Variants in DSCAM observed in about 807,000 individuals in gnomAD.
The protein encoded by DSCAM is DS cell adhesion molecule.
Under a neutral mutation model 217.7 loss-of-function variants are expected in DSCAM, and 47 were observed. The observed-to-expected ratio is 0.22, with a 90% CI of 0.17 to 0.28. The LOEUF (loss-of-function observed/expected upper bound fraction) is 0.28, where lower values mean the gene tolerates loss of function less well. DSCAM is among the 10% of genes least tolerant of loss of function. The pLI is 1.00. For synonymous variants in DSCAM, 1,056 were observed against 1,015.3 expected, an observed-to-expected ratio of 1.04 and a Z score of -0.76; for missense variants, 2,080 against 2,618.3, an observed-to-expected ratio of 0.79 and a Z score of 4.49.
At chr21:40,823,733 A>G (rs964746305) in intron 1 of DSCAM, among the ~76,000 whole-genome samples, 1 of 152,232 alleles carries the variant, frequency 6.6e-6, no homozygotes, top group Non-Finnish European at 1.5e-5. Flanking sequence ...AATACAAAAA[A>G]CAGAAGAAAT....
At chr21:40,096,320 G>A (rs28838617) in intron 20 of DSCAM, among the ~76,000 whole-genome samples, 27,227 of 151,858 alleles carry the variant, frequency 0.18, 3,074 homozygotes, top group East Asian at 0.34. Flanking sequence ...CTCATGTCTC[G>A]CTAAAATGCA....
At chr21:40,663,817 T>G (rs1341770039) in intron 3 of DSCAM, among the ~76,000 whole-genome samples, 8 of 152,188 alleles carry the variant, frequency 5.3e-5, no homozygotes, top group Non-Finnish European at 1.2e-4. Context: ...TTGATGCTTC[T>G]GGGCCTGAAG....
intron 3 of DSCAM, among the ~76,000 whole-genome samples, chr21:40,681,159 T>C (rs2090396163): frequency 1.3e-5 from 2 of 152,250 alleles, no homozygotes; most frequent in African/African-American, 4.8e-5. Flanking sequence ...TTCCCCCTTT[T>C]CCTTTTGAGG....
intron 1 of DSCAM, among the ~76,000 whole-genome samples, chr21:40,751,066 C>A (rs2091222598): frequency 6.6e-6 from 1 of 152,172 alleles, no homozygotes; most frequent in Non-Finnish European, 1.5e-5. Flanking sequence ...CCCTTCCTGT[C>A]CCTCCCTTGC....
intron 30 of DSCAM, 41 bp downstream of exon 30, chr21:40,051,917 T>C (rs760534025): frequency 1.3e-6 from 2 of 1,575,232 alleles, no homozygotes; most frequent in Non-Finnish European, 1.7e-6. Flanking sequence ...GTTTTCAGCA[T>C]TGTTAACACC....
chr21:40,585,419 CAAA>C (rs71186946), intron 3 of DSCAM, among the ~76,000 whole-genome samples: 2,618 of 85,614 alleles, frequency 0.031, 35 homozygotes, highest in African/African-American at 0.1. Context: ...GACTCCGTCT[CAAA>C]AAAAAAAAAA....
Position 40,089,785 on chromosome 21 carries a change from C to T in DSCAM, c.3851-2498G>A, listed in dbSNP as rs372489023. 1.8e-4 allele frequency among the ~76,000 whole-genome samples: 28 copies of T among 152,212 alleles called. 2 individuals carry two copies. In the East Asian group the frequency reaches 4.8e-3, roughly 26 times the overall value. ...CTGTCTGCTCCATCCTGAGGCACTC[C>T]CTAGCTTATCCCCTTTCCAGAAAAC... On this transcript the variant is annotated intron_variant, in intron 21 of 32. Coordinates refer to ENST00000400454, the MANE Select transcript of DSCAM (RefSeq NM_001389.5).
At chr21:40,054,435 T>C (rs895288896) in intron 29 of DSCAM, among the ~76,000 whole-genome samples, 6 of 152,072 alleles carry the variant, frequency 3.9e-5, no homozygotes, top group African/African-American at 1.4e-4. Context: ...ATGTCTCCAG[T>C]GGTGGGTGGG....
chr21:40,680,571 G>C (rs1360110178), intron 3 of DSCAM, among the ~76,000 whole-genome samples: 1 of 152,052 alleles, frequency 6.6e-6, no homozygotes, highest in Non-Finnish European at 1.5e-5. Flanking sequence ...CTTATTTACT[G>C]TATCTGTTTA....
chr21:40,254,492 T>C (rs972296974), intron 11 of DSCAM, among the ~76,000 whole-genome samples: 1 of 152,234 alleles, frequency 6.6e-6, no homozygotes, highest in African/African-American at 2.4e-5. Context: ...CGAATGCATC[T>C]GATGCTTATA....
At chr21:40,198,115 G>T (rs73904736) in intron 11 of DSCAM, among the ~76,000 whole-genome samples, 9,090 of 152,096 alleles carry the variant, frequency 0.06, 859 homozygotes, top group African/African-American at 0.2. Flanking sequence ...AACATCTCCC[G>T]CAAGCCTATT....
intron 3 of DSCAM, among the ~76,000 whole-genome samples, chr21:40,529,413 A>T (rs2076425864): frequency 6.6e-6 from 1 of 152,188 alleles, no homozygotes; most frequent in Admixed American, 6.5e-5. Context: ...TCATATTTGC[A>T]CTATTAGCTT....
intron 4 of DSCAM, among the ~76,000 whole-genome samples, chr21:40,363,252 CTTTTTTTTT>C (rs35756323): frequency 1.7e-5 from 2 of 116,168 alleles, no homozygotes; most frequent in Non-Finnish European, 3.4e-5. Context: ...TTTTTGTGTT[CTTTTTTTTT>C]TTTTTTTTTG....
At chr21:40,069,409 G>A (rs1428718668) in intron 27 of DSCAM, among the ~76,000 whole-genome samples, 2 of 152,200 alleles carry the variant, frequency 1.3e-5, no homozygotes, top group Non-Finnish European at 2.9e-5. Context: ...CATCAGCAAG[G>A]CAGAGCATGA....
chr21:40,053,597 A>G (rs1184828529), intron 29 of DSCAM, among the ~76,000 whole-genome samples: 1 of 152,170 alleles, frequency 6.6e-6, no homozygotes, highest in African/African-American at 2.4e-5. Flanking sequence ...TCACTGTAAT[A>G]TTGGATTCTT....
Position 40,684,956 on chromosome 21 carries a change from A to G in DSCAM, c.508+7854T>C, listed in dbSNP as rs970712827. On this transcript the variant is annotated intron_variant, in intron 3 of 32. Coordinates refer to ENST00000400454, the MANE Select transcript of DSCAM (RefSeq NM_001389.5). ...CATCACGGGGAGAGAGAGAAAGCAG[A>G]AGATCCTTAATGGCAGAATATAAAA... 2.6e-5 allele frequency among the ~76,000 whole-genome samples: 4 copies of G among 152,342 alleles called. No individual in the cohort carries two copies. In the East Asian group the frequency reaches 7.7e-4, roughly 29 times the overall value.
chr21:40,670,683 G>C (rs2090263430), intron 3 of DSCAM, among the ~76,000 whole-genome samples: 1 of 152,152 alleles, frequency 6.6e-6, no homozygotes, highest in African/African-American at 2.4e-5. Flanking sequence ...TTTCAAGACT[G>C]ACAAATCCTC....
intron 8 of DSCAM, among the ~76,000 whole-genome samples, chr21:40,336,016 G>A (rs867903086): frequency 2.5e-4 from 38 of 152,234 alleles, no homozygotes; most frequent in South Asian, 2.1e-4. Context: ...GACACTTGAC[G>A]AAGCAGGAAA....
intron 1 of DSCAM, among the ~76,000 whole-genome samples, chr21:40,793,559 C>T (rs9305705): frequency 0.45 from 68,357 of 151,530 alleles, 17,263 homozygotes; most frequent in South Asian, 0.65. Context: ...GGTGTGATCT[C>T]GGCTCACTGA....
Sources: allele counts gnomAD v4.1 joint callset (sites outside exome capture counted in the v4.1 genomes callset), GRCh38; gene constraint gnomAD v4.1.1; transcripts MANE v1.5; gene names NCBI Gene and HGNC (gene_info 2026-07-23, HGNC 2026-07-21).